TNR: variants seen among roughly 807,000 people sequenced by gnomAD.
TNR encodes tenascin-R.
A neutral mutation model predicts 150.4 loss-of-function variants in TNR; 45 were observed. The observed-to-expected ratio is 0.30, with a 90% confidence interval of 0.24 to 0.38. The LOEUF is 0.38. Among genes scored for constraint, TNR ranks in the 10% least tolerant of loss-of-function variants. The pLI is 1.00. For synonymous variants in TNR, 687 were observed against 678.4 expected, an observed-to-expected ratio of 1.01 and a Z score of -0.20; for missense variants, 1,544 against 1,759.1, an observed-to-expected ratio of 0.88 and a Z score of 2.19.
At chr1:175,555,171 C>G (rs1661102353) in intron 1 of TNR, among the ~76,000 whole-genome samples, 1 of 152,134 alleles carries the variant, frequency 6.6e-6, no homozygotes, top group African/African-American at 2.4e-5. Flanking sequence ...GTGCCTGGCC[C>G]AGAGGAGATA....
At chr1:175,710,056 C>A (rs760892916) in intron 1 of TNR, among the ~76,000 whole-genome samples, 1 of 151,934 alleles carries the variant, frequency 6.6e-6, no homozygotes, top group African/African-American at 2.4e-5. Context: ...AAGTATGATT[C>A]GACTTGCATT....
intron 18 of TNR, among the ~76,000 whole-genome samples, chr1:175,342,191 T>G (rs1650553629): frequency 6.6e-6 from 1 of 152,168 alleles, no homozygotes; most frequent in Non-Finnish European, 1.5e-5. Flanking sequence ...CTAAGTGCTC[T>G]GGGAAAGAGA....
chr1:175,708,795 C>G (rs1666912071), intron 1 of TNR, among the ~76,000 whole-genome samples: 1 of 152,084 alleles, frequency 6.6e-6, no homozygotes, highest in African/African-American at 2.4e-5. Context: ...GAGTCTGAGT[C>G]CATTTTGGAA....
chr1:175,709,233 G>A (rs540411577), intron 1 of TNR, among the ~76,000 whole-genome samples: 9 of 151,822 alleles, frequency 5.9e-5, no homozygotes, highest in African/African-American at 1.9e-4. Context: ...GGAATGTGAC[G>A]ATATGCCTTG....
At chr1:175,458,829 C>T (rs554512624) in intron 2 of TNR, among the ~76,000 whole-genome samples, 1 of 152,262 alleles carries the variant, frequency 6.6e-6, no homozygotes, top group Admixed American at 6.5e-5. Flanking sequence ...TATATTGTTA[C>T]ACAGACCACG....
rs1004321809 is a variant in TNR, at chr1:175,379,538, T to C, written c.1963+14A>G. 2.5e-6 allele frequency: 4 copies of C among 1,608,776 alleles called. No homozygotes were observed. In the African/African-American group the frequency reaches 4.0e-5, roughly 16 times the overall value. On this transcript the variant is annotated intron_variant, in intron 9 of 22. Coordinates refer to ENST00000367674, the MANE Select transcript of TNR (RefSeq NM_003285.3). ...CAGCAACCAGCATAACCCCAAGAGA[T>C]AGGTCTTACTCACCTGTCAGGGTGG...
In TNR at chr1:175,366,080, G is replaced by A. The variant is rs1279596204; in HGVS notation, c.2112C>T (p.Leu704=). The A allele has an allele frequency of 1.9e-6, 3 of 1,613,852 alleles. No homozygotes were observed. The highest frequency in any genetic ancestry group is 2.2e-5 in the East Asian group (1 of 44,858). Residue 704 remains leucine, a synonymous_variant, in exon 11 of 23, where the codon CTC becomes CTT. Transcript: ENST00000367674. ...TGGGGCCACTGGCCTTGGTCCAGATGAGGGAGATGGAGGTCTCCGAGGAGG... is the reference window on the plus strand; with the variant it reads ...TGGGGCCACTGGCCTTGGTCCAGATAAGGGAGATGGAGGTCTCCGAGGAGG... ...VTASSETSIS[L]IWTKASGPID...
rs1408773418 is a variant in TNR, at chr1:175,320,914, A to T, written c.*2443T>A. 2 of 152,052 alleles carry T rather than the reference A, an allele frequency of 1.3e-5. No individual in the cohort carries two copies. The highest frequency in any genetic ancestry group is 4.8e-5 in the African/African-American group (2 of 41,372). The allele number at this position is 152,052 out of a possible 1,614,324, so 9.4% of individuals were successfully genotyped here. A position where few individuals can be genotyped will look rare whatever the true frequency, so the allele number is the denominator to read the frequency against. On this transcript the variant is annotated 3_prime_UTR_variant, in exon 23 of 23. Transcript: ENST00000367674. ...TACTTAGGTTTTCAGATCACAGATTAGCATCATTGACCGTCAAAACTGAAA... is the reference window on the plus strand; with the variant it reads ...TACTTAGGTTTTCAGATCACAGATTTGCATCATTGACCGTCAAAACTGAAA...
intron 1 of TNR, among the ~76,000 whole-genome samples, chr1:175,622,439 C>T (rs573334508): frequency 5.1e-4 from 78 of 152,328 alleles, no homozygotes; most frequent in African/African-American, 1.6e-3. Flanking sequence ...CATCAAGCCC[C>T]GTGGGATGCC....
intron 2 of TNR, among the ~76,000 whole-genome samples, chr1:175,426,587 T>G (rs2102066486): frequency 6.6e-6 from 1 of 152,092 alleles, no homozygotes; most frequent in African/African-American, 2.4e-5. Context: ...GCCTTTGTTG[T>G]TTATGCCAGG....
chr1:175,623,576 C>A (rs12406898), intron 1 of TNR, among the ~76,000 whole-genome samples: 2 of 152,220 alleles, frequency 1.3e-5, no homozygotes, highest in East Asian at 1.9e-4. Flanking sequence ...CCACACTAAC[C>A]TCTACCTAAC....
At chr1:175,692,701 G>C (rs139723337) in intron 1 of TNR, among the ~76,000 whole-genome samples, 1 of 152,124 alleles carries the variant, frequency 6.6e-6, no homozygotes, top group Non-Finnish European at 1.5e-5. Flanking sequence ...GGAGAGGAAG[G>C]TCTCATGAAA....
At chr1:175,694,606 T>TC (rs1666458233) in intron 1 of TNR, among the ~76,000 whole-genome samples, 1 of 152,200 alleles carries the variant, frequency 6.6e-6, no homozygotes, top group Non-Finnish European at 1.5e-5. Context: ...AATTATGTTC[T>TC]CAAAATCATA....
intron 2 of TNR, among the ~76,000 whole-genome samples, chr1:175,410,916 C>T (rs1654183972): frequency 6.6e-6 from 1 of 152,162 alleles, no homozygotes; most frequent in Non-Finnish European, 1.5e-5. Flanking sequence ...ACCACGTAAC[C>T]TACCCTATCA....
chr1:175,655,488 G>T (rs552779454), intron 1 of TNR, among the ~76,000 whole-genome samples: 1 of 152,316 alleles, frequency 6.6e-6, no homozygotes, highest in East Asian at 1.9e-4. Context: ...CTGGCATTCA[G>T]ACCCAGATCT....
intron 16 of TNR, among the ~76,000 whole-genome samples, chr1:175,356,015 C>T (rs1220562498): frequency 6.6e-6 from 1 of 152,136 alleles, no homozygotes; most frequent in East Asian, 1.9e-4. Flanking sequence ...GCAGCTCTTT[C>T]CTAGATATCT....
chr1:175,520,124 A>T (rs1659576136), intron 2 of TNR, among the ~76,000 whole-genome samples: 1 of 152,248 alleles, frequency 6.6e-6, no homozygotes, highest in African/African-American at 2.4e-5. Flanking sequence ...TGCTTAGCAT[A>T]TAGAAAGCAC....
chr1:175,692,098 A>G (rs1212096343), intron 1 of TNR, among the ~76,000 whole-genome samples: 1 of 152,228 alleles, frequency 6.6e-6, no homozygotes, highest in African/African-American at 2.4e-5. Flanking sequence ...CCAGAGGTGG[A>G]AGTAACAATG....
At chr1:175,340,227 G>A (rs1650455898) in intron 18 of TNR, among the ~76,000 whole-genome samples, 4 of 152,166 alleles carry the variant, frequency 2.6e-5, no homozygotes, top group Admixed American at 6.5e-5. Context: ...GGGGTGGCGG[G>A]GGGCGGGTAC....
Sources: allele counts gnomAD v4.1 joint callset (sites outside exome capture counted in the v4.1 genomes callset), GRCh38; gene constraint gnomAD v4.1.1; transcripts MANE v1.5; gene names NCBI Gene and HGNC (gene_info 2026-07-23, HGNC 2026-07-21).